The following PTPN13 variants were observed in gnomAD, a reference collection of about 807,000 sequenced individuals.
PTPN13 encodes protein tyrosine phosphatase non-receptor type 13, also known as tyrosine-protein phosphatase non-receptor type 13.
Under a neutral mutation model 284.0 loss-of-function variants are expected in PTPN13, and 191 were observed. The ratio of observed to expected loss-of-function variants is 0.67; its 90% CI spans 0.60 to 0.76. The LOEUF is 0.76. Ranked by LOEUF, PTPN13 falls within the 30% of genes least tolerant of loss-of-function variation. The pLI is 0.00. For missense variants in PTPN13, 2,797 were observed against 2,939.9 expected (o/e 0.95, Z 1.12); for synonymous variants, 986 against 1,022.3 (o/e 0.96, Z 0.68).
At chr4:86,754,435 CT>C (rs755978601) in intron 20 of PTPN13, among the ~76,000 whole-genome samples, 24 of 152,094 alleles carry the variant, frequency 1.6e-4, no homozygotes, top group Admixed American at 1.5e-3. Context: ...GTTCTAAGCA[CT>C]TTTTATTATT....
Position 86,675,490 on chromosome 4 carries a change from T to C in PTPN13, c.294+2947T>C, listed in dbSNP as rs116830073. 3.2e-3 allele frequency among the ~76,000 whole-genome samples: 489 copies of C among 152,278 alleles called. 3 individuals carry two copies. The highest frequency in any genetic ancestry group is 0.011 in the African/African-American group (467 of 41,560). Reference sequence around the variant, plus strand: ...GAATATGCTATTAACTAGCACTCAATAAATGCTTGCTGTTGATGACATATA... The same window carrying C: ...GAATATGCTATTAACTAGCACTCAACAAATGCTTGCTGTTGATGACATATA... On this transcript the variant is annotated intron_variant, in intron 3 of 47. Transcript: ENST00000411767.
intron 5 of PTPN13, chr4:86,689,759 G>A (rs1211701606): frequency 4.3e-6 from 3 of 702,002 alleles, no homozygotes; most frequent in Non-Finnish European, 7.8e-6. Flanking sequence ...TGGATATGAA[G>A]AATCCCAAGA....
intron 2 of PTPN13, among the ~76,000 whole-genome samples, chr4:86,642,735 G>A (rs1194750802): frequency 2.6e-5 from 4 of 151,984 alleles, no homozygotes; most frequent in South Asian, 4.2e-4. Flanking sequence ...AATTACAGGC[G>A]TGAGCCACCG....
intron 6 of PTPN13, among the ~76,000 whole-genome samples, chr4:86,700,286 C>T (rs1731010767): frequency 6.6e-6 from 1 of 152,054 alleles, no homozygotes; most frequent in Non-Finnish European, 1.5e-5. Context: ...TCACAGCGAT[C>T]ACAGAAGGTA....
At chr4:86,811,161 T>C (rs1745180471) in intron 47 of PTPN13, 53 bp downstream of exon 47, 1 of 1,530,090 alleles carries the variant, frequency 6.5e-7, no homozygotes, top group African/African-American at 1.4e-5. Context: ...TTCTAATATT[T>C]TTTAAGGTTC....
intron 27 of PTPN13, among the ~76,000 whole-genome samples, chr4:86,766,895 CA>C (rs1739389215): frequency 6.6e-6 from 1 of 152,036 alleles, no homozygotes; most frequent in Non-Finnish European, 1.5e-5. Context: ...GGAGTTTAAC[CA>C]AATTATCTAT....
chr4:86,690,717 AT>A (rs541854031), intron 5 of PTPN13, among the ~76,000 whole-genome samples: 1 of 151,814 alleles, frequency 6.6e-6, no homozygotes, highest in East Asian at 1.9e-4. Flanking sequence ...TGTGAGAGAT[AT>A]TTTTTTCTGT....
At chr4:86,693,790 A>G (rs1730292088) in intron 6 of PTPN13, 116 bp downstream of exon 6, 1 of 607,232 alleles carries the variant, frequency 1.6e-6, no homozygotes, top group Non-Finnish European at 2.7e-6. Flanking sequence ...TTAGAACGTA[A>G]ACGTACAAAC....
chr4:86,802,862 A>G (rs947473073), intron 42 of PTPN13, among the ~76,000 whole-genome samples: 1 of 152,170 alleles, frequency 6.6e-6, no homozygotes, highest in Non-Finnish European at 1.5e-5. Flanking sequence ...GCTTGAGCCC[A>G]GGAGTTCAGG....
chr4:86,676,243 T>A (rs1728260768), intron 3 of PTPN13, among the ~76,000 whole-genome samples: 1 of 152,230 alleles, frequency 6.6e-6, no homozygotes, highest in South Asian at 2.1e-4. Context: ...TAGGATTGTC[T>A]AGTGACACAG....
In PTPN13 at chr4:86,771,191, A is replaced by C. The variant is rs1373684715; in HGVS notation, c.4824A>C (p.Ala1608=). Residue 1608 remains alanine, a synonymous_variant, in exon 31 of 48, where the codon GCA becomes GCC. Transcript: ENST00000411767. ...TACAGACCCCACTTCAGTCTCCAGC[A>C]CAAGTACTTCCAAACAGCAGTAAAG... ...TALLTPLQSP[A]QVLPNSSKDS... The C allele has an allele frequency of 5.0e-6, 8 of 1,611,708 alleles. No individual in the cohort carries two copies. In the Admixed American group the frequency reaches 1.3e-4, roughly 27 times the overall value.
intron 20 of PTPN13, among the ~76,000 whole-genome samples, chr4:86,754,766 T>C (rs867450493): frequency 6.5e-4 from 99 of 152,232 alleles, no homozygotes; most frequent in African/African-American, 2.1e-3. Context: ...AATATGAATG[T>C]ACATTGGATA....
At chr4:86,610,994 G>T (rs150718826) in intron 1 of PTPN13, among the ~76,000 whole-genome samples, 358 of 152,234 alleles carry the variant, frequency 2.4e-3, no homozygotes, top group South Asian at 7.2e-3. Context: ...ATGTATAGAA[G>T]ATGATGTCTT....
chr4:86,661,423 G>T (rs2148850757), intron 2 of PTPN13, among the ~76,000 whole-genome samples: 1 of 152,188 alleles, frequency 6.6e-6, no homozygotes, highest in Non-Finnish European at 1.5e-5. Context: ...TTACTTTCTT[G>T]GGGTGATGTG....
intron 15 of PTPN13, among the ~76,000 whole-genome samples, chr4:86,740,543 C>T (rs775055754): frequency 1.1e-4 from 17 of 152,138 alleles, no homozygotes; most frequent in Non-Finnish European, 2.2e-4. Context: ...CCATTTTTTC[C>T]TCCTAAACCT....
chr4:86,627,760 A>C (rs930331637), intron 1 of PTPN13, among the ~76,000 whole-genome samples: 1 of 152,132 alleles, frequency 6.6e-6, no homozygotes, highest in African/African-American at 2.4e-5. Context: ...TGCTTTCTGT[A>C]ACTGTAAATT....
chr4:86,744,690 G>A (rs529329828), intron 16 of PTPN13, among the ~76,000 whole-genome samples: 12 of 152,254 alleles, frequency 7.9e-5, no homozygotes, highest in African/African-American at 2.9e-4. Flanking sequence ...TGCTGTACAG[G>A]TTTGAAACCT....
Position 86,716,610 on chromosome 4 carries a change from T to G in PTPN13, c.1276T>G (p.Ser426Ala). Residue 426 changes from serine (S) to alanine (A), a missense_variant, in exon 8 of 48, where the codon TCA becomes GCA. By Grantham distance (99) the Ser-to-Ala change is moderately conservative. Coordinates refer to ENST00000411767, the MANE Select transcript of PTPN13 (RefSeq NM_080683.3). ...AAGTCCATCTATTATTTCCTCTGAATCAGATTTCAGACAAGGTAGGAGGCA... is the reference window on the plus strand; with the variant it reads ...AAGTCCATCTATTATTTCCTCTGAAGCAGATTTCAGACAAGGTAGGAGGCA... ...SESPSIISSESDFRQVRRSEA... is the reference protein window; with the variant it reads ...SESPSIISSEADFRQVRRSEA... 6.3e-7 allele frequency: 1 copy of G among 1,584,102 alleles called. No homozygotes were observed. Among genetic ancestry groups the G allele is most frequent in the South Asian group, 1.2e-5 (1 of 86,358 alleles).
chr4:86,782,095 A>G (rs1368155619), intron 36 of PTPN13, 106 bp from the exon 37 acceptor site: 1 of 747,752 alleles, frequency 1.3e-6, no homozygotes, highest in Non-Finnish European at 2.2e-6. Context: ...TTGTGTACTA[A>G]TAAAAATAAC....
Sources: gnomAD v4.1 joint callset for allele counts (sites outside exome capture counted in the v4.1 genomes callset) on GRCh38, gnomAD v4.1.1 for gene constraint, MANE v1.5 for transcripts, NCBI Gene and HGNC (gene_info 2026-07-23, HGNC 2026-07-21) for gene names.